PDCD6IP: variants seen among roughly 807,000 people sequenced by gnomAD.
PDCD6IP encodes programmed cell death 6 interacting protein.
A neutral mutation model predicts 103.7 loss-of-function variants in PDCD6IP; 43 were observed. That is an observed-to-expected ratio of 0.41 (90% CI 0.32 to 0.53). PDCD6IP has a LOEUF of 0.53. Ranked by LOEUF, PDCD6IP falls within the 20% of genes least tolerant of loss-of-function variation. PDCD6IP has a pLI of 0.16. For synonymous variants in PDCD6IP, 354 were observed against 378.7 expected (o/e 0.93, Z 0.76); for missense variants, 871 against 1,036.7 (o/e 0.84, Z 2.20).
rs1478637035 is a variant in PDCD6IP at position 33,867,095 on chromosome 3, A to G, written c.*570A>G. On this transcript the variant is annotated 3_prime_UTR_variant, in exon 18 of 18. Coordinates refer to ENST00000307296, the MANE Select transcript of PDCD6IP (RefSeq NM_013374.6). Reference sequence around the variant, plus strand: ...CTCATTTTGTATGTATATAAGTTAAACAGATACTGTTTTTAAGTGCATGAA... The same window carrying G: ...CTCATTTTGTATGTATATAAGTTAAGCAGATACTGTTTTTAAGTGCATGAA... The G allele has an allele frequency of 2.0e-5, 3 of 152,142 alleles. No individual in the cohort carries two copies. Among genetic ancestry groups the G allele is most frequent in the African/African-American group, 7.2e-5 (3 of 41,432 alleles). 9.4% of individuals were successfully genotyped at this position (152,142 alleles called of 1,614,324 possible).
intron 9 of PDCD6IP, 50 bp from the exon 10 acceptor site, chr3:33,841,847 G>A (rs1190514773): frequency 8.7e-7 from 1 of 1,155,128 alleles, no homozygotes; most frequent in South Asian, 1.5e-5. Context: ...TATTGATGAG[G>A]AGTTAAATTG....
chr3:33,868,939 C>T lies in PDCD6IP; in HGVS notation c.*2414C>T, dbSNP rs1698126439. On this transcript the variant is annotated 3_prime_UTR_variant, in exon 18 of 18. Transcript: ENST00000307296. ...CTCCCTGTGCCCCTTGGTCTTTATT[C>T]TCAATTAAGAAAAACAGTCACATGT... The T allele has an allele frequency of 6.6e-6, 1 of 152,132 alleles. No individual in the cohort carries two copies. The highest frequency in any genetic ancestry group is 2.4e-5 in the African/African-American group (1 of 41,422). The allele number at this position is 152,132 out of a possible 1,614,324, so 9.4% of individuals were successfully genotyped here. A position where few individuals can be genotyped will look rare whatever the true frequency, so the allele number is the denominator to read the frequency against.
intron 12 of PDCD6IP, 148 bp from the exon 13 acceptor site, chr3:33,852,340 T>A: frequency 7.4e-7 from 1 of 1,360,028 alleles, no homozygotes; most frequent in Non-Finnish European, 9.6e-7. Flanking sequence ...TGTCTATCTA[T>A]ATAAACCTGA....
chr3:33,854,736 G>C, intron 14 of PDCD6IP: 1 of 152,950 alleles, frequency 6.5e-6, no homozygotes, highest in Non-Finnish European at 1.5e-5. Flanking sequence ...AAAATGCTTT[G>C]TTTAAATAGG....
intron 3 of PDCD6IP, among the ~76,000 whole-genome samples, chr3:33,816,968 C>T (rs993253005): frequency 6.6e-6 from 1 of 152,098 alleles, no homozygotes; most frequent in Admixed American, 6.6e-5. Flanking sequence ...TTCATCAAGG[C>T]ATTTCTAGTA....
chr3:33,802,624 G>T (rs1696502596), intron 1 of PDCD6IP, among the ~76,000 whole-genome samples: 1 of 151,802 alleles, frequency 6.6e-6, no homozygotes, highest in Non-Finnish European at 1.5e-5. Context: ...TGAGTAGCTG[G>T]GATTTACAGG....
intron 1 of PDCD6IP, among the ~76,000 whole-genome samples, chr3:33,805,808 G>T (rs1187016409): frequency 6.6e-6 from 1 of 151,588 alleles, no homozygotes; most frequent in African/African-American, 2.4e-5. Flanking sequence ...GCAGTGGCGC[G>T]ATCTTGGCTC....
chr3:33,838,105 A>G, intron 8 of PDCD6IP, 99 bp from the exon 9 acceptor site: 1 of 1,022,642 alleles, frequency 9.8e-7, no homozygotes, highest in Non-Finnish European at 1.5e-6. Flanking sequence ...ATAAATATTT[A>G]TAGACTATGT....
chr3:33,805,966 C>T lies in PDCD6IP; in HGVS notation c.210-6106C>T, dbSNP rs572473812. On this transcript the variant is annotated intron_variant, in intron 1 of 17. Coordinates refer to ENST00000307296, the MANE Select transcript of PDCD6IP (RefSeq NM_013374.6). Reference sequence around the variant, plus strand: ...TTCACCGTGTTAGCCAGGATGGTGTCGATCTCCTGACCTTGTGATCCGCCT... The same window carrying T: ...TTCACCGTGTTAGCCAGGATGGTGTTGATCTCCTGACCTTGTGATCCGCCT... Among the ~76,000 whole-genome samples, 298 of 151,362 alleles carry T rather than the reference C, an allele frequency of 2.0e-3. 1 individual carries two copies. The highest frequency in any genetic ancestry group is 6.8e-3 in the Middle Eastern group (2 of 292).
At chr3:33,859,741 A>G (rs1697910692) in intron 15 of PDCD6IP, among the ~76,000 whole-genome samples, 2 of 152,196 alleles carry the variant, frequency 1.3e-5, no homozygotes, top group Admixed American at 6.5e-5. Context: ...CAATGGTGCA[A>G]TCCTTGTGTT....
chr3:33,828,622 A>G (rs574155803), intron 6 of PDCD6IP: 13 of 311,966 alleles, frequency 4.2e-5, no homozygotes, highest in African/African-American at 2.8e-4. Flanking sequence ...TTCAGTTAAC[A>G]GTTAAAAAAA....
At chr3:33,822,927 G>C (rs1472314969) in intron 4 of PDCD6IP, among the ~76,000 whole-genome samples, 2 of 152,066 alleles carry the variant, frequency 1.3e-5, no homozygotes, top group Non-Finnish European at 2.9e-5. Context: ...AAAGTGCTGG[G>C]ATTACAGATG....
chr3:33,863,776 A>G (rs1392758140), intron 15 of PDCD6IP: 1 of 510,014 alleles, frequency 2.0e-6, no homozygotes, highest in Non-Finnish European at 3.5e-6. Context: ...ATATATACCC[A>G]GCAGTGGGAT....
intron 1 of PDCD6IP, among the ~76,000 whole-genome samples, chr3:33,811,489 G>A (rs1391802606): frequency 6.6e-6 from 1 of 152,218 alleles, no homozygotes; most frequent in Non-Finnish European, 1.5e-5. Context: ...CTTGCTGACT[G>A]ACAGCTCACC....
chr3:33,807,234 CCCTT>C (rs1172888192), intron 1 of PDCD6IP, among the ~76,000 whole-genome samples: 1 of 152,196 alleles, frequency 6.6e-6, no homozygotes, highest in Non-Finnish European at 1.5e-5. Context: ...TCCTACTACT[CCCTT>C]CCTTGTTTAC....
At chr3:33,803,068 T>C (rs1026989993) in intron 1 of PDCD6IP, among the ~76,000 whole-genome samples, 2 of 152,250 alleles carry the variant, frequency 1.3e-5, no homozygotes, top group Admixed American at 6.5e-5. Flanking sequence ...AAACCTCTTA[T>C]ATCCTGTGTG....
rs57317946 is a variant in PDCD6IP at position 33,816,503 on chromosome 3, T to TAAA, written c.334+2898_334+2900dup. On this transcript the variant is annotated intron_variant, in intron 3 of 17. Coordinates refer to ENST00000307296, the MANE Select transcript of PDCD6IP (RefSeq NM_013374.6). ...CTGGGTGACAGAGCAAGATTCTGTCTAAAAAAAAAAAAAAAAAAAAAAAAA... is the reference window on the plus strand; with the variant it reads ...CTGGGTGACAGAGCAAGATTCTGTCTAAAAAAAAAAAAAAAAAAAAAAAAAAAA... Among the ~76,000 whole-genome samples the TAAA allele has an allele frequency of 1.1e-3, 65 of 57,608 alleles. 3 individuals are homozygous for TAAA. The highest frequency in any genetic ancestry group is 5.2e-3 in the East Asian group (11 of 2,130). The allele number at this position is 57,608 out of a possible 152,430, so 37.8% of individuals were successfully genotyped here. A position where few individuals can be genotyped will look rare whatever the true frequency, so the allele number is the denominator to read the frequency against.
chr3:33,860,494 A>G (rs1697929075), intron 15 of PDCD6IP, among the ~76,000 whole-genome samples: 1 of 152,234 alleles, frequency 6.6e-6, no homozygotes, highest in African/African-American at 2.4e-5. Flanking sequence ...CAATACACAG[A>G]AAATTCTCAG....
chr3:33,832,722 A>T (rs1305945038), intron 7 of PDCD6IP, among the ~76,000 whole-genome samples: 4 of 152,114 alleles, frequency 2.6e-5, no homozygotes, highest in Non-Finnish European at 4.4e-5. Flanking sequence ...TTATCTGTTC[A>T]TACTCCAGTT....
Sources: gnomAD v4.1 joint callset for allele counts (sites outside exome capture counted in the v4.1 genomes callset) on GRCh38, gnomAD v4.1.1 for gene constraint, MANE v1.5 for transcripts, NCBI Gene and HGNC (gene_info 2026-07-23, HGNC 2026-07-21) for gene names.